Variants in MARCHF4 observed in about 807,000 individuals in gnomAD.
MARCHF4 encodes E3 ubiquitin-protein ligase MARCHF4.
A neutral mutation model predicts 43.9 loss-of-function variants in MARCHF4; 14 were observed. That is an observed-to-expected ratio of 0.32 (90% CI 0.21 to 0.50). The LOEUF is 0.50. MARCHF4 is among the 20% of genes least tolerant of loss of function. The pLI is 0.98. For missense variants in MARCHF4, 468 were observed against 536.7 expected (o/e 0.87, Z 1.27); for synonymous variants, 226 against 213.3 (o/e 1.06, Z -0.52).
intron 1 of MARCHF4, among the ~76,000 whole-genome samples, chr2:216,363,345 A>G (rs1692616622): frequency 2.0e-5 from 3 of 152,226 alleles, no homozygotes; most frequent in African/African-American, 7.2e-5. Flanking sequence ...GTCAAAACAC[A>G]GGCATCTCCC....
At chr2:216,264,277 T>C (rs1432391714) in intron 3 of MARCHF4, among the ~76,000 whole-genome samples, 2 of 152,206 alleles carry the variant, frequency 1.3e-5, no homozygotes, top group Non-Finnish European at 1.5e-5. Flanking sequence ...ACCATCTCTC[T>C]GGAGGGGAAA....
intron 3 of MARCHF4, among the ~76,000 whole-genome samples, chr2:216,275,988 G>T (rs1691016038): frequency 6.6e-6 from 1 of 152,202 alleles, no homozygotes; most frequent in Non-Finnish European, 1.5e-5. Context: ...ACAACCAGAA[G>T]TTAAGCCCAG....
chr2:216,304,229 T>C (rs1691543519), intron 1 of MARCHF4, among the ~76,000 whole-genome samples: 1 of 152,238 alleles, frequency 6.6e-6, no homozygotes, highest in African/African-American at 2.4e-5. Context: ...ACATATAGAT[T>C]CTAGAATGAG....
chr2:216,360,741 A>T (rs2105984280), intron 1 of MARCHF4, among the ~76,000 whole-genome samples: 1 of 152,346 alleles, frequency 6.6e-6, no homozygotes, highest in East Asian at 1.9e-4. Context: ...GTGAACCCTC[A>T]TGTAATCTAT....
chr2:216,291,889 G>A (rs1041402406), intron 1 of MARCHF4, among the ~76,000 whole-genome samples: 2 of 152,112 alleles, frequency 1.3e-5, no homozygotes, highest in Admixed American at 1.3e-4. Flanking sequence ...GGAAAAGGAG[G>A]GCTCTGGAAC....
intron 2 of MARCHF4, among the ~76,000 whole-genome samples, 155 bp downstream of exon 2, chr2:216,283,418 TC>T (rs1369106950): frequency 6.6e-6 from 1 of 152,086 alleles, no homozygotes; most frequent in Non-Finnish European, 1.5e-5. Context: ...TTTCATCCCC[TC>T]CTGCCCCACG....
intron 1 of MARCHF4, 69 bp from the exon 2 acceptor site, chr2:216,283,798 A>T: frequency 6.2e-6 from 9 of 1,461,436 alleles, no homozygotes; most frequent in Non-Finnish European, 8.2e-6. Context: ...GATGGGCGGG[A>T]GGGTGGCAGC....
chr2:216,362,778 C>G (rs1277167321), intron 1 of MARCHF4, among the ~76,000 whole-genome samples: 2 of 152,194 alleles, frequency 1.3e-5, no homozygotes, highest in Non-Finnish European at 2.9e-5. Flanking sequence ...CTGGGTACAC[C>G]TCACCTTTGC....
intron 1 of MARCHF4, among the ~76,000 whole-genome samples, chr2:216,321,317 T>A (rs569663212): frequency 4.6e-5 from 7 of 152,214 alleles, no homozygotes; most frequent in Admixed American, 2.0e-4. Flanking sequence ...ATGAAGCTCA[T>A]CATTTTGAGG....
intron 1 of MARCHF4, among the ~76,000 whole-genome samples, chr2:216,298,728 C>T (rs532791905): frequency 5.9e-5 from 9 of 152,170 alleles, no homozygotes; most frequent in Non-Finnish European, 1.3e-4. Flanking sequence ...CAGCCCCTTC[C>T]CACACATAAA....
chr2:216,279,206 G>A (rs1691083721), intron 2 of MARCHF4, among the ~76,000 whole-genome samples: 2 of 152,334 alleles, frequency 1.3e-5, no homozygotes, highest in South Asian at 2.1e-4. Flanking sequence ...AGAAAGGAGG[G>A]AAGACTGCTC....
intron 1 of MARCHF4, among the ~76,000 whole-genome samples, chr2:216,317,336 C>T (rs775663343): frequency 6.6e-6 from 1 of 152,196 alleles, no homozygotes; most frequent in Non-Finnish European, 1.5e-5. Context: ...GGCTCTAAAA[C>T]ATTAAATCCA....
At chr2:216,269,212 C>T (rs1690895041) in intron 3 of MARCHF4, among the ~76,000 whole-genome samples, 1 of 152,152 alleles carries the variant, frequency 6.6e-6, no homozygotes, top group South Asian at 2.1e-4. Flanking sequence ...TATTTGATGT[C>T]CAATCTCTTA....
chr2:216,307,781 T>C (rs1470101315), intron 1 of MARCHF4, among the ~76,000 whole-genome samples: 1 of 152,136 alleles, frequency 6.6e-6, no homozygotes, highest in Admixed American at 6.5e-5. Flanking sequence ...ATTCATTCGT[T>C]CATGAAATAC....
At chr2:216,289,233 A>ACCCTCCCCC (rs199838607) in intron 1 of MARCHF4, among the ~76,000 whole-genome samples, 2 of 102,600 alleles carry the variant, frequency 1.9e-5, no homozygotes, top group African/African-American at 3.8e-5. Context: ...TTTCTTCCCC[A>ACCCTCCCCC]CCCGCCCCCC....
chr2:216,317,633 C>T (rs1279855976), intron 1 of MARCHF4, among the ~76,000 whole-genome samples: 3 of 152,154 alleles, frequency 2.0e-5, no homozygotes, highest in Non-Finnish European at 2.9e-5. Context: ...ACACTGGTCT[C>T]GAACTCCTGA....
chr2:216,309,174 C>T (rs6739597), intron 1 of MARCHF4, among the ~76,000 whole-genome samples: 71,031 of 152,008 alleles, frequency 0.47, 16,706 homozygotes, highest in Middle Eastern at 0.53. Flanking sequence ...ACTTTAAAGA[C>T]GGTTTCTGGA....
At chr2:216,320,906 C>A (rs1210714730) in intron 1 of MARCHF4, among the ~76,000 whole-genome samples, 2 of 147,586 alleles carry the variant, frequency 1.4e-5, no homozygotes, top group Non-Finnish European at 3.0e-5. Flanking sequence ...GTCTCGAACT[C>A]CTGACCTCGT....
intron 1 of MARCHF4, among the ~76,000 whole-genome samples, chr2:216,287,689 AACG>A (rs1363948515): frequency 6.6e-6 from 1 of 151,274 alleles, no homozygotes; most frequent in Non-Finnish European, 1.5e-5. Flanking sequence ...CCTAATGCTA[AACG>A]ACGAGTTAAT....
Sources: gnomAD v4.1 joint callset for allele counts (sites outside exome capture counted in the v4.1 genomes callset) on GRCh38, gnomAD v4.1.1 for gene constraint, MANE v1.5 for transcripts, NCBI Gene and HGNC (gene_info 2026-07-23, HGNC 2026-07-21) for gene names.